The following RAB28 variants were observed in gnomAD, a reference collection of about 807,000 sequenced individuals.
The protein encoded by RAB28 is ras-related protein Rab-28.
RAB28 carries 24 observed loss-of-function variants against 31.7 expected under a neutral mutation model. That is an observed-to-expected ratio of 0.76 (90% CI 0.55 to 1.06). The LOEUF (loss-of-function observed/expected upper bound fraction) is 1.06, where lower values mean the gene tolerates loss of function less well. Among genes scored for constraint, RAB28 ranks in the 50% least tolerant of loss-of-function variants. The pLI is 0.00. For synonymous variants in RAB28, 100 were observed against 90.4 expected (o/e 1.11, Z -0.60); for missense variants, 254 against 258.5 (o/e 0.98, Z 0.12).
At chr4:13,465,739 A>T (rs1391093460) in intron 3 of RAB28, among the ~76,000 whole-genome samples, 2 of 150,090 alleles carry the variant, frequency 1.3e-5, no homozygotes, top group Non-Finnish European at 3.0e-5. Flanking sequence ...AGCTCAAATA[A>T]CCAAGGCAAT....
chr4:13,459,898 T>A (rs2108959398), intron 4 of RAB28: 1 of 1,289,340 alleles, frequency 7.8e-7, no homozygotes, highest in East Asian at 5.5e-5. Flanking sequence ...GTGTTGCTGT[T>A]CTTCATAATC....
rs1010642114 is a variant in RAB28 at position 13,395,472 on chromosome 4, A to C, written c.392-13878T>G. ...ATTAAATTTGATTCACATGTGGTTA[A>C]AATTATATATACACTTTGACTTCTA... On this transcript the variant is annotated intron_variant, in intron 4 of 6. Transcript: ENST00000330852. Among the ~76,000 whole-genome samples the C allele has an allele frequency of 2.6e-5, 4 of 152,078 alleles. No homozygotes were observed. In the East Asian group the frequency reaches 7.7e-4, roughly 29 times the overall value.
chr4:13,483,997 A>T, intron 1 of RAB28, 79 bp downstream of exon 1: 1 of 1,374,034 alleles, frequency 7.3e-7, no homozygotes, highest in South Asian at 1.3e-5. Context: ...TAACGAGGCG[A>T]CGCCGGGCGG....
chr4:13,403,994 C>T (rs1711926621), intron 4 of RAB28, among the ~76,000 whole-genome samples: 4 of 152,118 alleles, frequency 2.6e-5, no homozygotes, highest in Admixed American at 1.3e-4. Flanking sequence ...ATGTAACAAA[C>T]TCTCAGAAGA....
At chr4:13,460,175 C>A (rs1429601137) in intron 4 of RAB28, among the ~76,000 whole-genome samples, 1 of 152,156 alleles carries the variant, frequency 6.6e-6, no homozygotes, top group Admixed American at 6.5e-5. Context: ...GTTTGGGCTG[C>A]CATAACAAAT....
At chr4:13,454,331 AT>A (rs1037691448) in intron 4 of RAB28, among the ~76,000 whole-genome samples, 1 of 152,040 alleles carries the variant, frequency 6.6e-6, no homozygotes, top group Non-Finnish European at 1.5e-5. Context: ...GGCATTTTGT[AT>A]ATTTCCTTAT....
intron 4 of RAB28, among the ~76,000 whole-genome samples, chr4:13,409,211 C>T (rs1172814381): frequency 1.3e-5 from 2 of 152,112 alleles, no homozygotes; most frequent in African/African-American, 4.8e-5. Flanking sequence ...TACATTACCT[C>T]TGATAGTAAA....
chr4:13,385,121 G>A (rs1340056401), intron 4 of RAB28, among the ~76,000 whole-genome samples: 1 of 152,134 alleles, frequency 6.6e-6, no homozygotes. Context: ...CTGAAGACTG[G>A]CTTCCTGAAA....
At chr4:13,377,548 G>A (rs1728969687) in intron 5 of RAB28, among the ~76,000 whole-genome samples, 1 of 152,118 alleles carries the variant, frequency 6.6e-6, no homozygotes. Context: ...AAAAGAAGAC[G>A]AGCAAAGAGA....
At chr4:13,411,971 A>G (rs974529034) in intron 4 of RAB28, among the ~76,000 whole-genome samples, 6 of 151,688 alleles carry the variant, frequency 4.0e-5, no homozygotes, top group Non-Finnish European at 8.8e-5. Flanking sequence ...AAATGTTTTT[A>G]GGATTTTACT....
At chr4:13,454,887 G>A (rs948222101) in intron 4 of RAB28, among the ~76,000 whole-genome samples, 22 of 152,212 alleles carry the variant, frequency 1.4e-4, no homozygotes, top group African/African-American at 5.3e-4. Context: ...TGTGTCTGCT[G>A]GAGGTAGCCC....
At chr4:13,369,980 C>T in intron 6 of RAB28, 1 of 1,592,426 alleles carries the variant, frequency 6.3e-7, no homozygotes, top group Non-Finnish European at 8.5e-7. Context: ...CAATTCCATA[C>T]AACATAAATG....
At chr4:13,423,406 A>G (rs28684825) in intron 4 of RAB28, among the ~76,000 whole-genome samples, 14,218 of 151,758 alleles carry the variant, frequency 0.094, 1,311 homozygotes, top group African/African-American at 0.24. Context: ...GCGTGGTGGC[A>G]GATACCTGTA....
chr4:13,374,735 CT>C (rs1190340089), intron 6 of RAB28, among the ~76,000 whole-genome samples: 12 of 152,196 alleles, frequency 7.9e-5, no homozygotes, highest in Admixed American at 3.9e-4. Context: ...TGACTTTGGT[CT>C]TTTTCACATG....
chr4:13,381,055 C>T (rs1159137155), intron 5 of RAB28, among the ~76,000 whole-genome samples: 2 of 151,950 alleles, frequency 1.3e-5, no homozygotes, highest in Non-Finnish European at 2.9e-5. Context: ...ACTTATTAGC[C>T]GTGTAATCTG....
At position 13,368,183 on chromosome 4, in the gene RAB28, G is replaced by A. The variant is rs981955569; in HGVS notation, c.*375C>T. 4 of 990,092 alleles carry A rather than the reference G, an allele frequency of 4.0e-6. No homozygotes were observed. Among genetic ancestry groups the A allele is most frequent in the Middle Eastern group, 5.1e-4 (1 of 1,972 alleles). 61.3% of individuals were successfully genotyped at this position (990,092 alleles called of 1,614,324 possible). A position where few individuals can be genotyped will look rare whatever the true frequency, so the allele number is the denominator to read the frequency against. On this transcript the variant is annotated 3_prime_UTR_variant, in exon 7 of 7. Coordinates refer to ENST00000330852, the MANE Select transcript of RAB28 (RefSeq NM_001017979.3). Reference sequence around the variant, plus strand: ...CACATACAAGTTCCGATAAGAGAATGAAATTGCTGTGGCAAAATCCTGGCT... The same window carrying A: ...CACATACAAGTTCCGATAAGAGAATAAAATTGCTGTGGCAAAATCCTGGCT...
intron 2 of RAB28, among the ~76,000 whole-genome samples, chr4:13,478,074 TG>T (rs1253976360): frequency 6.6e-6 from 1 of 151,602 alleles, no homozygotes; most frequent in East Asian, 1.9e-4. Flanking sequence ...TGTGTACAAC[TG>T]GCATCTGTGA....
chr4:13,473,758 T>C, intron 3 of RAB28: 1 of 302,924 alleles, frequency 3.3e-6, no homozygotes, highest in Non-Finnish European at 6.5e-6. Flanking sequence ...TTTTTCTTGC[T>C]CTACATGGAT....
intron 4 of RAB28, among the ~76,000 whole-genome samples, chr4:13,452,749 G>C (rs1199783898): frequency 6.6e-6 from 1 of 151,934 alleles, no homozygotes; most frequent in African/African-American, 2.4e-5. Context: ...TGTAGTTGTT[G>C]GGCAGGTGAA....
Sources: gnomAD v4.1 joint callset for allele counts (sites outside exome capture counted in the v4.1 genomes callset) on GRCh38, gnomAD v4.1.1 for gene constraint, MANE v1.5 for transcripts, NCBI Gene and HGNC (gene_info 2026-07-23, HGNC 2026-07-21) for gene names.